ZNF614: variants seen among roughly 807,000 people sequenced by gnomAD.
ZNF614 encodes the protein zinc finger protein 614.
Under a neutral mutation model 12.8 loss-of-function variants are expected in ZNF614, and 11 were observed. The ratio of observed to expected loss-of-function variants is 0.86; its 90% confidence interval spans 0.54 to 1.43. The LOEUF (loss-of-function observed/expected upper bound fraction) is 1.43, where lower values mean the gene tolerates loss of function less well. ZNF614 is among the 40% of genes most tolerant of loss of function. ZNF614 has a pLI of 0.00. For missense variants in ZNF614, 664 were observed against 708.8 expected, an observed-to-expected ratio of 0.94 and a Z score of 0.72; for synonymous variants, 237 against 237.5, an observed-to-expected ratio of 1.00 and a Z score of 0.02.
intron 2 of ZNF614, among the ~76,000 whole-genome samples, chr19:52,021,287 C>T (rs770835711): frequency 3.3e-5 from 5 of 152,080 alleles, no homozygotes; most frequent in Admixed American, 1.3e-4. Flanking sequence ...AACACCTTGA[C>T]GACAACCCCC....
intron 3 of ZNF614, 91 bp downstream of exon 3, chr19:52,018,277 C>T: frequency 1.3e-6 from 2 of 1,596,026 alleles, no homozygotes; most frequent in Non-Finnish European, 1.7e-6. Flanking sequence ...TTCCAAACAC[C>T]ACAGTGACTG....
chr19:52,025,422 G>C (rs1396513207), intron 2 of ZNF614, among the ~76,000 whole-genome samples: 4 of 152,036 alleles, frequency 2.6e-5, no homozygotes, highest in Non-Finnish European at 5.9e-5. Flanking sequence ...CTGAGCTCTA[G>C]CAATTCTTCT....
rs2086891549 is a variant in ZNF614, at chr19:52,015,687, T to G, written c.*153A>C. 1.4e-6 allele frequency: 1 copy of G among 701,866 alleles called. No homozygotes were observed. The highest frequency in any genetic ancestry group is 2.4e-6 in the Non-Finnish European group (1 of 425,108). 43.5% of individuals were successfully genotyped at this position (701,866 alleles called of 1,614,324 possible). A position where few individuals can be genotyped will look rare whatever the true frequency, so the allele number is the denominator to read the frequency against. On this transcript the variant is annotated 3_prime_UTR_variant, in exon 5 of 5. Transcript: ENST00000270649. ...AAATTGATCTCTAGGGCAAATTATT[T>G]CACCTCCTGAGGACAGACACACATC...
In ZNF614 at chr19:52,017,349, T is replaced by G; in HGVS notation, c.249A>C (p.Lys83Asn). 6.3e-7 allele frequency: 1 copy of G among 1,593,342 alleles called. No individual in the cohort carries two copies. Among genetic ancestry groups the G allele is most frequent in the Non-Finnish European group, 8.5e-7 (1 of 1,171,232 alleles). ...IQNKNCPGIG[K>N]VDSHLQEHSP... ...AGTGCTCTTGCAGATGACTGTCAAC[T>G]TTCCCGATTCCTAAGAAAGAACAGA... The change falls in exon 5 of 5, where the codon AAA (lysine) becomes AAC (asparagine). Residue 83 changes from lysine to asparagine, a missense_variant. Transcript: ENST00000270649.
chr19:52,016,307 C>T lies in ZNF614; in HGVS notation c.1291G>A (p.Glu431Lys). Reference sequence around the variant, plus strand: ...TTTGTGGTGAAGCCTTTACCACATTCATTGCATATGTAAGATTTCTCTCCT... The same window carrying T: ...TTTGTGGTGAAGCCTTTACCACATTTATTGCATATGTAAGATTTCTCTCCT... ...HTGEKSYICN[E>K]CGKGFTTKRT... is the part of the protein sequence containing the mutation. Residue 431 changes from glutamate (E) to lysine (K), a missense_variant, in exon 5 of 5, where the codon GAA becomes AAA. Glu to Lys is a moderately conservative substitution (Grantham distance 56). Coordinates refer to ENST00000270649, the MANE Select transcript of ZNF614 (RefSeq NM_025040.4). 2 of 1,614,110 alleles carry T rather than the reference C, an allele frequency of 1.2e-6. No homozygotes were observed. Among genetic ancestry groups the T allele is most frequent in the Non-Finnish European group, 1.7e-6 (2 of 1,179,992 alleles).
intron 2 of ZNF614, among the ~76,000 whole-genome samples, chr19:52,020,151 A>C (rs2086924694): frequency 6.6e-6 from 1 of 152,134 alleles, no homozygotes; most frequent in African/African-American, 2.4e-5. Context: ...GGTTAGGCCA[A>C]ACTTCCCAGG....
rs895292989 is a variant in ZNF614 at position 52,018,310 on chromosome 19, T to A, written c.142+58A>T. ...CTGTAAAGCTTTGATTAGGTGAGCA[T>A]AGGACGGTGTCTGGGCATTGTAGGC... On this transcript the variant is annotated intron_variant, in intron 3 of 4. Transcript: ENST00000270649. The A allele has an allele frequency of 3.1e-5, 50 of 1,612,242 alleles. No homozygotes were observed. The Admixed American group carries it at 8.3e-4, about 27-fold the overall frequency.
chr19:52,026,586 G>A (rs151072139), intron 1 of ZNF614, among the ~76,000 whole-genome samples: 24 of 152,252 alleles, frequency 1.6e-4, no homozygotes, highest in African/African-American at 4.3e-4. Flanking sequence ...ATATGGCCTC[G>A]TGGGAAGGGA....
At position 52,018,397 on chromosome 19, in the gene ZNF614, A is replaced by G. The variant is rs779736150; in HGVS notation, c.113T>C (p.Val38Ala). Residue 38 changes from valine (V) to alanine (A), a missense_variant, in exon 3 of 5, where the codon GTG becomes GCG. Val to Ala is a moderately conservative substitution (Grantham distance 64, BLOSUM62 0). Coordinates refer to ENST00000270649, the MANE Select transcript of ZNF614 (RefSeq NM_025040.4). ...AQKNLYRDVM[V>A]ENYNHLVSLG... ...TGATACTAGGTGGTTATAGTTCTCC[A>G]CCATCACATCCCGGTACAGGTTCTT... 6.2e-7 allele frequency: 1 copy of G among 1,614,124 alleles called. No homozygotes were observed. The highest frequency in any genetic ancestry group is 2.2e-5 in the East Asian group (1 of 44,874).
intron 2 of ZNF614, 132 bp downstream of exon 2, chr19:52,025,599 A>AC: frequency 9.7e-7 from 1 of 1,031,104 alleles, no homozygotes; most frequent in Non-Finnish European, 1.5e-6. Context: ...ATGAACCCCC[A>AC]CCTCTACTCC....
Position 52,017,083 on chromosome 19 carries a change from C to A in ZNF614, c.515G>T (p.Arg172Leu). ...AGAAAATCTAGTTTTAGTATGCGTA[C>A]GTTCATGCTTACCATGTAGAAGTGT... The part of the protein sequence containing the change: ...EKTLLHGKHE[R>L]THTKTRFSEN... Residue 172 changes from arginine to leucine, a missense_variant, in exon 5 of 5, where the codon CGT becomes CTT. Coordinates refer to ENST00000270649, the MANE Select transcript of ZNF614 (RefSeq NM_025040.4). 6.2e-7 allele frequency: 1 copy of A among 1,614,162 alleles called. No individual in the cohort carries two copies. The highest frequency in any genetic ancestry group is 8.5e-7 in the Non-Finnish European group (1 of 1,180,028).
intron 1 of ZNF614, among the ~76,000 whole-genome samples, chr19:52,026,608 G>A (rs2086975099): frequency 2.0e-5 from 3 of 152,120 alleles, no homozygotes; most frequent in South Asian, 2.1e-4. Flanking sequence ...AGACCTGACC[G>A]TCCCCTACCC....
chr19:52,025,320 C>CT (rs903848295), intron 2 of ZNF614, among the ~76,000 whole-genome samples: 2 of 151,900 alleles, frequency 1.3e-5, no homozygotes, highest in African/African-American at 4.8e-5. Flanking sequence ...ATTGAGTCTA[C>CT]TTTTTTTTCC....
intron 1 of ZNF614, among the ~76,000 whole-genome samples, chr19:52,027,299 G>A (rs1344958508): frequency 1.3e-5 from 2 of 152,194 alleles, no homozygotes; most frequent in Non-Finnish European, 2.9e-5. Flanking sequence ...TACATACCTC[G>A]TGTCAAGACC....
intron 1 of ZNF614, among the ~76,000 whole-genome samples, chr19:52,026,262 T>A (rs2086971654): frequency 6.6e-6 from 1 of 152,208 alleles, no homozygotes; most frequent in African/African-American, 2.4e-5. Context: ...CAGAAAGAAG[T>A]AGACATAAGA....
chr19:52,016,671 A>G lies in ZNF614; in HGVS notation c.927T>C (p.His309=). ...KRYLIAHQRT[H]SGEKPYVCKE... is the part of the protein sequence containing the mutation. ...TGCACACATAAGGTTTCTCTCCACT[A>G]TGAGTTCGCTGATGAGCAATTAGAT... Residue 309 remains histidine (H), a synonymous_variant, in exon 5 of 5, where the codon CAT becomes CAC. Coordinates refer to ENST00000270649, the MANE Select transcript of ZNF614 (RefSeq NM_025040.4). 4 of 1,614,174 alleles carry G rather than the reference A, an allele frequency of 2.5e-6. No individual in the cohort carries two copies. Among genetic ancestry groups the G allele is most frequent in the Non-Finnish European group, 3.4e-6 (4 of 1,180,032 alleles).
intron 2 of ZNF614, among the ~76,000 whole-genome samples, chr19:52,018,722 G>A (rs922437993): frequency 6.6e-5 from 10 of 152,172 alleles, no homozygotes; most frequent in South Asian, 6.2e-4. Flanking sequence ...CATTACCAAT[G>A]ACTTCACAAC....
At chr19:52,026,453 A>G (rs549226469) in intron 1 of ZNF614, among the ~76,000 whole-genome samples, 4 of 152,306 alleles carry the variant, frequency 2.6e-5, no homozygotes, top group East Asian at 3.9e-4. Context: ...ATGCTTGGTA[A>G]AAGTCATCAC....
intron 1 of ZNF614, among the ~76,000 whole-genome samples, chr19:52,026,279 A>G (rs2086971828): frequency 6.6e-6 from 1 of 152,232 alleles, no homozygotes; most frequent in African/African-American, 2.4e-5. Flanking sequence ...AAGAGGCTCC[A>G]TTTTGTTCTG....
Sources: allele counts gnomAD v4.1 joint callset (sites outside exome capture counted in the v4.1 genomes callset), GRCh38; gene constraint gnomAD v4.1.1; transcripts MANE v1.5; gene names NCBI Gene and HGNC (gene_info 2026-07-23, HGNC 2026-07-21).